PPTC7: variants seen among roughly 807,000 people sequenced by gnomAD.
The protein encoded by PPTC7 is protein phosphatase targeting COQ7, also known as protein phosphatase PTC7 homolog.
In PPTC7, 6 loss-of-function variants were observed where a neutral mutation model predicts 30.8. The observed-to-expected ratio is 0.19, with a 90% CI of 0.11 to 0.38. PPTC7 has a LOEUF of 0.38. Ranked by LOEUF, PPTC7 falls within the 10% of genes least tolerant of loss-of-function variation. The pLI is 1.00. For synonymous variants in PPTC7, 163 were observed against 168.1 expected (o/e 0.97, Z 0.23); for missense variants, 218 against 404.8 (o/e 0.54, Z 3.96).
At chr12:110,545,596 T>C (rs1344601277) in intron 3 of PPTC7, among the ~76,000 whole-genome samples, 1 of 152,238 alleles carries the variant, frequency 6.6e-6, no homozygotes, top group Non-Finnish European at 1.5e-5. Context: ...AAGTACTGTA[T>C]GTACCATGTG....
intron 1 of PPTC7, among the ~76,000 whole-genome samples, chr12:110,553,296 C>T (rs73191843): frequency 0.22 from 34,014 of 151,232 alleles, 5,031 homozygotes; most frequent in East Asian, 0.56. Flanking sequence ...ACTACAGGTG[C>T]GTGCCATCAC....
At chr12:110,575,642 C>T (rs1441170861) in intron 1 of PPTC7, among the ~76,000 whole-genome samples, 1 of 132,122 alleles carries the variant, frequency 7.6e-6, no homozygotes, top group Non-Finnish European at 1.6e-5. Context: ...AAAAGCTCCA[C>T]AACAGCTTGC....
chr12:110,537,234 GAAAA>G (rs1405698490), intron 5 of PPTC7, 139 bp from the exon 6 acceptor site: 3 of 460,878 alleles, frequency 6.5e-6, no homozygotes, highest in Non-Finnish European at 1.1e-5. Flanking sequence ...GTAGAATAAA[GAAAA>G]AAATATTTGA....
intron 3 of PPTC7, among the ~76,000 whole-genome samples, chr12:110,545,084 T>A (rs951192179): frequency 6.6e-6 from 1 of 151,340 alleles, no homozygotes; most frequent in Non-Finnish European, 1.5e-5. Flanking sequence ...TCAAGACCAT[T>A]TTGGTTTTAT....
chr12:110,541,316 A>T (rs2064257562), intron 3 of PPTC7, among the ~76,000 whole-genome samples: 1 of 151,262 alleles, frequency 6.6e-6, no homozygotes, highest in Non-Finnish European at 1.5e-5. Context: ...CGGGAGATGG[A>T]GGTTGCAGTG....
intron 1 of PPTC7, among the ~76,000 whole-genome samples, chr12:110,562,849 C>T (rs969946845): frequency 9.3e-5 from 14 of 150,348 alleles, no homozygotes; most frequent in East Asian, 5.9e-4. Flanking sequence ...TGGCCAGTCG[C>T]GGTGGCTCAT....
intron 1 of PPTC7, among the ~76,000 whole-genome samples, chr12:110,568,572 C>T (rs989465036): frequency 5.3e-5 from 8 of 152,162 alleles, no homozygotes; most frequent in African/African-American, 1.7e-4. Flanking sequence ...TTCTTTCACA[C>T]CAGTCCTGTG....
chr12:110,549,645 T>G (rs1366743157), intron 2 of PPTC7, among the ~76,000 whole-genome samples: 1 of 152,162 alleles, frequency 6.6e-6, no homozygotes, highest in African/African-American at 2.4e-5. Context: ...TAAATTTAAA[T>G]GTATTTTATT....
At chr12:110,560,515 G>A (rs2064430602) in intron 1 of PPTC7, among the ~76,000 whole-genome samples, 1 of 151,996 alleles carries the variant, frequency 6.6e-6, no homozygotes, top group Non-Finnish European at 1.5e-5. Context: ...CTTACTATAA[G>A]AAAGACTTCT....
chr12:110,571,417 A>C (rs2064535892), intron 1 of PPTC7, among the ~76,000 whole-genome samples: 1 of 151,848 alleles, frequency 6.6e-6, no homozygotes, highest in African/African-American at 2.4e-5. Context: ...TTATTAAAGC[A>C]GCTTTAGAAC....
chr12:110,541,151 G>A (rs1419287968), intron 3 of PPTC7, among the ~76,000 whole-genome samples: 2 of 151,640 alleles, frequency 1.3e-5, no homozygotes, highest in African/African-American at 4.8e-5. Flanking sequence ...GGAGGCCAAG[G>A]TGGGTGGATC....
intron 1 of PPTC7, among the ~76,000 whole-genome samples, chr12:110,560,894 A>G (rs1347273080): frequency 1.3e-5 from 2 of 152,224 alleles, no homozygotes; most frequent in Non-Finnish European, 2.9e-5. Context: ...CTGGCTCTAC[A>G]TGGATTGTCT....
Position 110,583,241 on chromosome 12 carries a change from C to A in PPTC7, c.-210G>T, listed in dbSNP as rs1053483289. On this transcript the variant is annotated 5_prime_UTR_variant, in exon 1 of 6. Coordinates refer to ENST00000354300, the MANE Select transcript of PPTC7 (RefSeq NM_139283.2). ...GGAGCCAGAGCGAGGTCAGAAGCGG[C>A]GGCTCCTCCGCCTCAGCCCAACTGA... 1 of 181,218 alleles carries A rather than the reference C, an allele frequency of 5.5e-6. No individual in the cohort carries two copies. Among genetic ancestry groups the A allele is most frequent in the Non-Finnish European group, 1.1e-5 (1 of 89,706 alleles). 11.2% of individuals were successfully genotyped at this position (181,218 alleles called of 1,614,324 possible).
At chr12:110,558,592 G>A (rs2064408825) in intron 1 of PPTC7, among the ~76,000 whole-genome samples, 1 of 152,218 alleles carries the variant, frequency 6.6e-6, no homozygotes, top group Non-Finnish European at 1.5e-5. Context: ...ATTGAGAAGA[G>A]ACCATAGGGC....
intron 1 of PPTC7, among the ~76,000 whole-genome samples, chr12:110,569,381 G>A (rs1344372822): frequency 6.6e-6 from 1 of 152,048 alleles, no homozygotes; most frequent in African/African-American, 2.4e-5. Context: ...AGAAAGAGAG[G>A]GCTGAGCTGA....
intron 3 of PPTC7, among the ~76,000 whole-genome samples, chr12:110,544,594 G>A (rs1313434319): frequency 6.6e-6 from 1 of 152,224 alleles, no homozygotes; most frequent in Non-Finnish European, 1.5e-5. Context: ...CCAGCACTTT[G>A]GGAGGCCGAG....
At chr12:110,573,277 A>G (rs1450931990) in intron 1 of PPTC7, among the ~76,000 whole-genome samples, 2 of 152,236 alleles carry the variant, frequency 1.3e-5, no homozygotes, top group Non-Finnish European at 2.9e-5. Context: ...ATTCAGATGT[A>G]AAGAGATACT....
At chr12:110,557,739 GA>G (rs2064402039) in intron 1 of PPTC7, among the ~76,000 whole-genome samples, 1 of 152,220 alleles carries the variant, frequency 6.6e-6, no homozygotes, top group Non-Finnish European at 1.5e-5. Context: ...CTGCTATGAA[GA>G]AATACCTGAG....
rs2064206270 is a variant in PPTC7, at chr12:110,534,753, A to G, written c.*2284T>C. ...CTTTCAGTATCACTGGAACAAACACATCGTCAATTTCTAACAATCGTTTCT... is the reference window on the plus strand; with the variant it reads ...CTTTCAGTATCACTGGAACAAACACGTCGTCAATTTCTAACAATCGTTTCT... On this transcript the variant is annotated 3_prime_UTR_variant, in exon 6 of 6. Coordinates refer to ENST00000354300, the MANE Select transcript of PPTC7 (RefSeq NM_139283.2). 1 of 152,258 alleles carries G rather than the reference A, an allele frequency of 6.6e-6. No homozygotes were observed. Among genetic ancestry groups the G allele is most frequent in the Non-Finnish European group, 1.5e-5 (1 of 68,032 alleles). 9.4% of individuals were successfully genotyped at this position (152,258 alleles called of 1,614,324 possible).
Sources: allele counts gnomAD v4.1 joint callset (sites outside exome capture counted in the v4.1 genomes callset), GRCh38; gene constraint gnomAD v4.1.1; transcripts MANE v1.5; gene names NCBI Gene and HGNC (gene_info 2026-07-23, HGNC 2026-07-21).